The following MED12L variants were observed in gnomAD, a reference collection of about 807,000 sequenced individuals.
MED12L encodes the protein mediator complex subunit 12L, also known as mediator of RNA polymerase II transcription subunit 12-like protein.
A neutral mutation model predicts 281.3 loss-of-function variants in MED12L; 60 were observed. That is an observed-to-expected ratio of 0.21 (90% confidence interval 0.17 to 0.26). MED12L has a LOEUF of 0.26. MED12L is among the 10% of genes least tolerant of loss of function. MED12L has a pLI of 1.00. For missense variants in MED12L, 2,146 were observed against 2,680.9 expected (o/e 0.80, Z 4.41); for synonymous variants, 974 against 987.2 (o/e 0.99, Z 0.25).
intron 38 of MED12L, among the ~76,000 whole-genome samples, chr3:151,391,082 A>T (rs1430854203): frequency 6.6e-6 from 1 of 152,204 alleles, no homozygotes; most frequent in African/African-American, 2.4e-5. Flanking sequence ...GAATGTATTG[A>T]GCTTCATGAT....
intron 16 of MED12L, chr3:151,295,085 A>G: frequency 6.2e-7 from 1 of 1,613,784 alleles, no homozygotes; most frequent in Non-Finnish European, 8.5e-7. Flanking sequence ...GATGCTTGCC[A>G]CAAATATAAT....
intron 16 of MED12L, among the ~76,000 whole-genome samples, chr3:151,274,023 A>G (rs984189629): frequency 1.1e-4 from 16 of 152,156 alleles, no homozygotes; most frequent in African/African-American, 3.1e-4. Flanking sequence ...TAAAGTTCTC[A>G]CACTACTTGA....
At chr3:151,377,470 GC>G (rs1264795298) in intron 30 of MED12L, among the ~76,000 whole-genome samples, 3 of 152,084 alleles carry the variant, frequency 2.0e-5, no homozygotes, top group African/African-American at 7.2e-5. Context: ...TATGGGAAAC[GC>G]TTTTTCCACC....
Position 151,213,563 on chromosome 3 carries a change from C to A in MED12L, c.2250+19897C>A, listed in dbSNP as rs768554240. 5 of 1,614,050 alleles carry A rather than the reference C, an allele frequency of 3.1e-6. No individual in the cohort carries two copies. The African/African-American group carries it at 6.7e-5, about 22-fold the overall frequency. ...TGACTCTTTGTGTAGGGGATTCTGG[C>A]AATATGGTAAGGTACAAAACAGACA... On this transcript the variant is annotated intron_variant, in intron 16 of 44. Coordinates refer to ENST00000687756, the MANE Select transcript of MED12L (RefSeq NM_001393769.1).
At chr3:151,429,051 G>A (rs1163512531) in intron 43 of MED12L, among the ~76,000 whole-genome samples, 1 of 152,152 alleles carries the variant, frequency 6.6e-6, no homozygotes, top group Non-Finnish European at 1.5e-5. Flanking sequence ...AATTACAAAG[G>A]TATGGAAAAC....
intron 16 of MED12L, among the ~76,000 whole-genome samples, chr3:151,248,597 T>C (rs1736221861): frequency 6.6e-6 from 1 of 152,170 alleles, no homozygotes; most frequent in African/African-American, 2.4e-5. Context: ...AATAAGTATT[T>C]TTAAAATAGG....
intron 8 of MED12L, among the ~76,000 whole-genome samples, chr3:151,161,187 A>G (rs1462994585): frequency 6.6e-6 from 1 of 152,178 alleles, no homozygotes; most frequent in Non-Finnish European, 1.5e-5. Context: ...GTAGGAAAGG[A>G]GGCTTGCAAG....
At chr3:151,376,727 A>G (rs1388320419) in intron 28 of MED12L, 73 bp from the exon 29 acceptor site, 1 of 1,193,820 alleles carries the variant, frequency 8.4e-7, no homozygotes, top group African/African-American at 1.5e-5. Context: ...TGAGAGAAGG[A>G]GTACTGTAAG....
rs1235649536 is a variant in MED12L at position 151,085,880 on chromosome 3, G to C, written c.-186G>C. On this transcript the variant is annotated 5_prime_UTR_variant, in exon 1 of 45. Coordinates refer to ENST00000687756, the MANE Select transcript of MED12L (RefSeq NM_001393769.1). ...TCCCAACCCGAATGATGGAGGCTGCGGCGGCCGGAGTGACCCCGCCGCCGC... is the reference window on the plus strand; with the variant it reads ...TCCCAACCCGAATGATGGAGGCTGCCGCGGCCGGAGTGACCCCGCCGCCGC... The C allele has an allele frequency of 6.6e-6, 1 of 152,042 alleles. No individual in the cohort carries two copies. The highest frequency in any genetic ancestry group is 2.4e-5 in the African/African-American group (1 of 41,424). The allele number at this position is 152,042 out of a possible 1,614,324, so 9.4% of individuals were successfully genotyped here.
At chr3:151,120,781 T>G (rs146463203) in intron 3 of MED12L, among the ~76,000 whole-genome samples, 5 of 152,386 alleles carry the variant, frequency 3.3e-5, no homozygotes, top group Non-Finnish European at 5.9e-5. Context: ...GATTGATTTC[T>G]GAATAATATA....
chr3:151,314,426 T>C (rs1747967265), intron 16 of MED12L, among the ~76,000 whole-genome samples: 1 of 152,212 alleles, frequency 6.6e-6, no homozygotes, highest in South Asian at 2.1e-4. Context: ...GCATCTCATC[T>C]AGTTTTTAAC....
At chr3:151,161,126 G>A (rs990574463) in intron 8 of MED12L, among the ~76,000 whole-genome samples, 1 of 152,214 alleles carries the variant, frequency 6.6e-6, no homozygotes, top group African/African-American at 2.4e-5. Context: ...TTGTGTAATT[G>A]TCGTTAGATT....
At chr3:151,147,894 C>T (rs572355385) in intron 5 of MED12L, among the ~76,000 whole-genome samples, 1 of 152,308 alleles carries the variant, frequency 6.6e-6, no homozygotes, top group African/African-American at 2.4e-5. Flanking sequence ...GTATGTATAA[C>T]TTACTGGATT....
In MED12L at chr3:151,388,297, A is replaced by C. The variant is rs187087266; in HGVS notation, c.5451+125A>C. The C allele has an allele frequency of 3.4e-5, 41 of 1,221,120 alleles. No individual in the cohort carries two copies. In the South Asian group the frequency reaches 6.2e-4, roughly 18 times the overall value. 75.6% of individuals were successfully genotyped at this position (1,221,120 alleles called of 1,614,324 possible). On this transcript the variant is annotated intron_variant, in intron 37 of 44. Coordinates refer to ENST00000687756, the MANE Select transcript of MED12L (RefSeq NM_001393769.1). ...TAAGTTTTGTTATGACAGTTCTCCT[A>C]ACAGGTTTCTGCATTAACTGAATGG...
intron 11 of MED12L, among the ~76,000 whole-genome samples, chr3:151,180,979 T>C (rs1722630037): frequency 6.6e-6 from 1 of 152,204 alleles, no homozygotes; most frequent in Non-Finnish European, 1.5e-5. Context: ...ATTTTTATGA[T>C]TAGTAAAAAA....
chr3:151,114,686 T>C (rs1472163281), intron 2 of MED12L, among the ~76,000 whole-genome samples: 1 of 152,056 alleles, frequency 6.6e-6, no homozygotes, highest in Non-Finnish European at 1.5e-5. Flanking sequence ...TCTTATTCTT[T>C]CAGGTCTGTA....
chr3:151,299,052 A>C (rs1745505007), intron 16 of MED12L, among the ~76,000 whole-genome samples: 1 of 152,202 alleles, frequency 6.6e-6, no homozygotes, highest in Non-Finnish European at 1.5e-5. Flanking sequence ...TACAGTATCT[A>C]GTACTTAGTA....
chr3:151,122,547 G>A (rs1713912247), intron 3 of MED12L, among the ~76,000 whole-genome samples: 2 of 152,104 alleles, frequency 1.3e-5, no homozygotes, highest in African/African-American at 4.8e-5. Flanking sequence ...ATTTCCAAAG[G>A]CTCTCCTTAA....
chr3:151,191,966 TTAAA>T (rs1724045911), intron 14 of MED12L, among the ~76,000 whole-genome samples: 1 of 152,150 alleles, frequency 6.6e-6, no homozygotes, highest in Non-Finnish European at 1.5e-5. Context: ...TTATTATTTT[TTAAA>T]ACAGTAGCTA....
Sources: gnomAD v4.1 joint callset for allele counts (sites outside exome capture counted in the v4.1 genomes callset) on GRCh38, gnomAD v4.1.1 for gene constraint, MANE v1.5 for transcripts, NCBI Gene and HGNC (gene_info 2026-07-23, HGNC 2026-07-21) for gene names.